The following ANK2 variants were observed in gnomAD, a reference collection of about 807,000 sequenced individuals.
ANK2 encodes the protein ankyrin 2, also known as ankyrin-2.
A neutral mutation model predicts 360.5 loss-of-function variants in ANK2; 83 were observed. The ratio of observed to expected loss-of-function variants is 0.23; its 90% CI spans 0.19 to 0.28. The LOEUF (loss-of-function observed/expected upper bound fraction) is 0.28, where lower values mean the gene tolerates loss of function less well. ANK2 is among the 10% of genes least tolerant of loss of function. The pLI is 1.00. For missense variants in ANK2, 4,201 were observed against 4,795.7 expected (o/e 0.88, Z 3.66); for synonymous variants, 1,740 against 1,759.5 (o/e 0.99, Z 0.28).
chr4:112,730,636 CAAAAAAAAAA>C, the ANK2 span, among the ~76,000 whole-genome samples: 2 of 57,944 alleles, frequency 3.5e-5, no homozygotes, highest in Non-Finnish European at 6.1e-5. Flanking sequence ...GACTCCATCT[CAAAAAAAAAA>C]AAAAAAAAAA....
upstream of ANK2, among the ~76,000 whole-genome samples, chr4:112,817,095 T>C: frequency 6.6e-6 from 1 of 152,218 alleles, no homozygotes; most frequent in Non-Finnish European, 1.5e-5. Context: ...GTCACAGCTG[T>C]CTAAGCGGGC....
At chr4:112,990,820 CA>C (rs2046482600) in intron 2 of ANK2, among the ~76,000 whole-genome samples, 1 of 152,192 alleles carries the variant, frequency 6.6e-6, no homozygotes, top group Admixed American at 6.5e-5. Context: ...CTTGGCTAAG[CA>C]GTCTCCAGTT....
Position 113,357,653 on chromosome 4 carries a change from C to T in ANK2, c.9035C>T (p.Ser3012Phe), listed in dbSNP as rs1352700111. 1.9e-6 allele frequency: 3 copies of T among 1,614,050 alleles called. No individual in the cohort carries two copies. Among genetic ancestry groups the T allele is most frequent in the East Asian group, 4.5e-5 (2 of 44,894 alleles). The change falls in exon 38 of 46, where the codon TCT becomes TTT. Residue 3012 changes from serine (S) to phenylalanine (F), a missense_variant. Physicochemically the swap from Ser to Phe is radical, Grantham distance 155. This residue lies in a region of ANK2 where 2,642 missense variants were observed against 2,714.5 expected (regional missense o/e 0.97). Coordinates refer to ENST00000357077, the MANE Select transcript of ANK2 (RefSeq NM_001148.6). ...TLWEMQSDSV[S>F]SSFEPTMSAT... ...TGGGAAATGCAATCAGACAGTGTCT[C>T]TTCATCTTTCGAGCCTACTATGTCC...
chr4:112,956,443 G>A (rs767507968), intron 2 of ANK2, among the ~76,000 whole-genome samples: 6 of 151,998 alleles, frequency 3.9e-5, no homozygotes, highest in African/African-American at 1.2e-4. Flanking sequence ...GCATCACTAC[G>A]CTTGTGCTTT....
chr4:113,123,151 A>AT (rs1324654450), intron 1 of ANK2, among the ~76,000 whole-genome samples: 1 of 151,872 alleles, frequency 6.6e-6, no homozygotes, highest in Non-Finnish European at 1.5e-5. Flanking sequence ...ACTCAATGTA[A>AT]TTTTTTTCCT....
intron 1 of ANK2, among the ~76,000 whole-genome samples, chr4:112,873,466 T>C (rs1013228383): frequency 1.1e-4 from 17 of 152,012 alleles, no homozygotes; most frequent in African/African-American, 3.9e-4. Flanking sequence ...CATTGGTTAT[T>C]AGAAGTATTT....
rs550084379 is a variant in ANK2, at chr4:113,282,575, T to G, written c.1882-100T>G. On this transcript the variant is annotated intron_variant, in intron 17 of 45. Transcript: ENST00000357077. ...GATTAACTGTAAACTCACTTTTAAC[T>G]CTTCTATTGATTAGAGATTTTTATT... The G allele has an allele frequency of 4.9e-4, 569 of 1,163,018 alleles. 10 individuals carry two copies. In the South Asian group the frequency reaches 7.3e-3, roughly 15 times the overall value. 72.0% of individuals were successfully genotyped at this position (1,163,018 alleles called of 1,614,324 possible).
In ANK2 at chr4:113,174,754, G is replaced by C. The variant is rs561002554; in HGVS notation, c.186+237G>C. On this transcript the variant is annotated intron_variant, in intron 2 of 45. Transcript: ENST00000357077. ...CAACAACTGAATGTCAATTTTGTTT[G>C]TGAAATGATTTGGGCCACCTTTAGC... is the stretch of plus-strand genomic sequence containing the variant. Among the ~76,000 whole-genome samples the C allele has an allele frequency of 9.8e-4, 149 of 152,258 alleles. 1 individual carries two copies. The highest frequency in any genetic ancestry group is 2.2e-3 in the Admixed American group (34 of 15,300).
chr4:113,340,828 G>A (rs1411010127), intron 32 of ANK2, among the ~76,000 whole-genome samples: 1 of 147,876 alleles, frequency 6.8e-6, no homozygotes, highest in Non-Finnish European at 1.5e-5. Flanking sequence ...CAGCCTGGGC[G>A]ACAGAGCGAG....
intron 1 of ANK2, among the ~76,000 whole-genome samples, chr4:113,105,493 A>G (rs1165395618): frequency 1.3e-5 from 2 of 152,154 alleles, no homozygotes; most frequent in Non-Finnish European, 2.9e-5. Flanking sequence ...TGGGATTTTG[A>G]AAAGATTAGC....
chr4:112,764,235 G>A, the ANK2 span, among the ~76,000 whole-genome samples: 2 of 152,052 alleles, frequency 1.3e-5, no homozygotes, highest in East Asian at 1.9e-4. Flanking sequence ...GAGCCACTGC[G>A]CCCGGCCCCC....
intron 26 of ANK2, chr4:113,323,817 C>T: frequency 6.2e-7 from 1 of 1,605,110 alleles, no homozygotes; most frequent in Non-Finnish European, 8.5e-7. Context: ...ATAATTCTTT[C>T]TCTGAACATG....
At chr4:113,300,454 A>G (rs1377660574) in intron 22 of ANK2, among the ~76,000 whole-genome samples, 2 of 152,234 alleles carry the variant, frequency 1.3e-5, no homozygotes, top group Non-Finnish European at 2.9e-5. Flanking sequence ...AGCTCCTGCT[A>G]TGTTTCAGGT....
chr4:113,174,358 A>G (rs960362147), intron 1 of ANK2, 58 bp from the exon 2 acceptor site: 9 of 1,385,124 alleles, frequency 6.5e-6, no homozygotes, highest in African/African-American at 2.8e-5. Context: ...GTCTTTCTGT[A>G]TTGGATACAT....
In ANK2 at chr4:113,358,431, TGATTCTCCC is replaced by T. The variant is rs2095958194; in HGVS notation, c.9820_9828del (p.Pro3274_Ser3276del). The T allele has an allele frequency of 1.2e-6, 2 of 1,614,006 alleles. No individual in the cohort carries two copies. The highest frequency in any genetic ancestry group is 1.7e-6 in the Non-Finnish European group (2 of 1,179,974). On this transcript the variant is annotated inframe_deletion, in exon 38 of 46. Coordinates refer to ENST00000357077, the MANE Select transcript of ANK2 (RefSeq NM_001148.6). The stretch of plus-strand genomic sequence containing the variant: ...GGTCTGTTTATTCAGATAGGGGTGA[TGATTCTCCC>T]GATTCTTCCCCAGAAGAACAGAAAT...
the ANK2 span, among the ~76,000 whole-genome samples, chr4:112,763,226 AT>A: frequency 2.0e-3 from 290 of 144,676 alleles, no homozygotes; most frequent in Middle Eastern, 3.6e-3. Flanking sequence ...CACCTGGCTA[AT>A]TTTTTTTTTT....
intron 2 of ANK2, among the ~76,000 whole-genome samples, chr4:113,180,061 A>G (rs1484170953): frequency 1.3e-5 from 2 of 152,248 alleles, no homozygotes; most frequent in East Asian, 3.8e-4. Flanking sequence ...TTATAAACAG[A>G]AGGCAAGGTC....
At chr4:112,935,087 C>G (rs1357664743) in intron 2 of ANK2, among the ~76,000 whole-genome samples, 1 of 151,332 alleles carries the variant, frequency 6.6e-6, no homozygotes, top group Non-Finnish European at 1.5e-5. Context: ...AGTAGGTAAG[C>G]AAGGAGGAAG....
intron 1 of ANK2, chr4:113,151,228 A>G (rs1404306745): frequency 3.4e-6 from 3 of 881,978 alleles, no homozygotes; most frequent in Middle Eastern, 2.6e-4. Context: ...CCTTACTGCA[A>G]TTGCACACAT....
Sources: gnomAD v4.1 joint callset for allele counts (sites outside exome capture counted in the v4.1 genomes callset) on GRCh38, gnomAD v4.1.1 for gene constraint, gnomAD v4.1.1 regional missense constraint, MANE v1.5 for transcripts, NCBI Gene and HGNC (gene_info 2026-07-23, HGNC 2026-07-21) for gene names.